The following FAT3 variants were observed in gnomAD, a reference collection of about 807,000 sequenced individuals.
FAT3 encodes the protein protocadherin Fat 3.
A neutral mutation model predicts 310.2 loss-of-function variants in FAT3; 95 were observed. The ratio of observed to expected loss-of-function variants is 0.31; its 90% CI spans 0.26 to 0.36. The LOEUF is 0.36. Among genes scored for constraint, FAT3 ranks in the 10% least tolerant of loss-of-function variants. The probability of loss-of-function intolerance (pLI) is 1.00; values close to 1 mark genes in which losing one functional copy is unlikely to be tolerated. For synonymous variants in FAT3, 2,314 were observed against 2,192.9 expected, an observed-to-expected ratio of 1.06 and a Z score of -1.54; for missense variants, 5,408 against 5,715.6, an observed-to-expected ratio of 0.95 and a Z score of 1.74.
chr11:92,346,761 C>G (rs35846763), intron 1 of FAT3, among the ~76,000 whole-genome samples: 1 of 152,272 alleles, frequency 6.6e-6, no homozygotes, highest in South Asian at 2.1e-4. Flanking sequence ...CACTAGATGG[C>G]AAGTCCTGGA....
chr11:92,447,227 G>A (rs1352708421), intron 2 of FAT3, among the ~76,000 whole-genome samples: 6 of 143,010 alleles, frequency 4.2e-5, no homozygotes, highest in Admixed American at 2.1e-4. Context: ...GTGTGCGTGT[G>A]TGTGTGTGTG....
chr11:92,493,858 G>C (rs539302154), intron 2 of FAT3, among the ~76,000 whole-genome samples: 2 of 152,004 alleles, frequency 1.3e-5, no homozygotes, highest in African/African-American at 4.8e-5. Context: ...AACCACATGG[G>C]AAGTGAAGAC....
At chr11:92,460,717 C>A (rs570049496) in intron 2 of FAT3, among the ~76,000 whole-genome samples, 1 of 152,190 alleles carries the variant, frequency 6.6e-6, no homozygotes, top group Non-Finnish European at 1.5e-5. Flanking sequence ...TCATACCCTG[C>A]AGAAACATAC....
chr11:92,883,398 G>GT lies in FAT3; in HGVS notation c.12937+6dup. Reference sequence around the variant, plus strand: ...GCTGGGACGCGGGAACTGAGAGTGAGTAGGAAGTGGTAATGCTCACCCCTC... The same window carrying GT: ...GCTGGGACGCGGGAACTGAGAGTGAGTTAGGAAGTGGTAATGCTCACCCCTC... On this transcript the variant is annotated splice_donor_region_variant and intron_variant, in intron 24 of 27. Transcript: ENST00000525166. The surrounding 1 kb of genome is among the most constrained non-coding windows in gnomAD (Gnocchi z 4.2). 1 of 1,592,064 alleles carries GT rather than the reference G, an allele frequency of 6.3e-7. No homozygotes were observed. The highest frequency in any genetic ancestry group is 8.6e-7 in the Non-Finnish European group (1 of 1,167,844).
intron 2 of FAT3, among the ~76,000 whole-genome samples, chr11:92,394,954 A>T (rs549788327): frequency 6.6e-6 from 1 of 152,256 alleles, no homozygotes; most frequent in Non-Finnish European, 1.5e-5. Context: ...TAAGGCAGGG[A>T]TGTCTGTTTT....
At chr11:92,667,989 C>A (rs1943009844) in intron 3 of FAT3, among the ~76,000 whole-genome samples, 1 of 152,200 alleles carries the variant, frequency 6.6e-6, no homozygotes, top group African/African-American at 2.4e-5. Context: ...GGAAGGGTAA[C>A]AGGATGTGAG....
In FAT3 at chr11:92,352,145, A is replaced by ACGGCCT. The variant is rs1381671255; in HGVS notation, c.35_40dup (p.Arg12_Pro13dup). 1 of 1,365,884 alleles carries ACGGCCT rather than the reference A, an allele frequency of 7.3e-7. No homozygotes were observed. The allele number at this position is 1,365,884 out of a possible 1,614,324, so 84.6% of individuals were successfully genotyped here. A position where few individuals can be genotyped will look rare whatever the true frequency, so the allele number is the denominator to read the frequency against. The stretch of plus-strand genomic sequence containing the variant: ...TAATTATGGGACACTGTGTGGGCAC[A>ACGGCCT]CGGCCTCCTGCTTGTTGCCTCATCC... On this transcript the variant is annotated inframe_insertion, in exon 2 of 28. Coordinates refer to ENST00000525166, the MANE Select transcript of FAT3 (RefSeq NM_001367949.2).
In FAT3 at chr11:92,489,657, T is replaced by G. The variant is rs909042336; in HGVS notation, c.3293-34977T>G. Among the ~76,000 whole-genome samples, 5 of 152,250 alleles carry G rather than the reference T, an allele frequency of 3.3e-5. 1 individual carries two copies. Among genetic ancestry groups the G allele is most frequent in the Admixed American group, 3.3e-4 (5 of 15,286 alleles). On this transcript the variant is annotated intron_variant, in intron 2 of 27. Coordinates refer to ENST00000525166, the MANE Select transcript of FAT3 (RefSeq NM_001367949.2). ...CTTCTTACTTTAATATCTTTCCAAA[T>G]TTATAACACCTACCAGATGCTAATA...
chr11:92,463,051 G>A (rs1029373684), intron 2 of FAT3, among the ~76,000 whole-genome samples: 1 of 152,234 alleles, frequency 6.6e-6, no homozygotes, highest in Non-Finnish European at 1.5e-5. Flanking sequence ...GGAGCAGCCT[G>A]CTTCTTGATG....
intron 2 of FAT3, among the ~76,000 whole-genome samples, chr11:92,425,761 AT>A (rs1430524714): frequency 6.6e-6 from 1 of 151,970 alleles, no homozygotes; most frequent in Non-Finnish European, 1.5e-5. Context: ...TATGTGCTAC[AT>A]TTTCTTTATT....
intron 2 of FAT3, among the ~76,000 whole-genome samples, chr11:92,438,541 A>C (rs941793686): frequency 6.6e-6 from 1 of 152,194 alleles, no homozygotes; most frequent in African/African-American, 2.4e-5. Context: ...ACCAGTTTCC[A>C]TCTCTAGAAT....
chr11:92,486,130 G>GGTTTTTTTTTTTTTTTTTTTTTTTTT (rs1952381514), intron 2 of FAT3, among the ~76,000 whole-genome samples: 1 of 37,126 alleles, frequency 2.7e-5, no homozygotes, highest in African/African-American at 8.7e-5. Flanking sequence ...GGCTGCTGGG[G>GGTTTTTTTTTTTTTTTTTTTTTTTTT]TTTTTTTTTT....
At chr11:92,878,217 A>G (rs993315345) in intron 22 of FAT3, among the ~76,000 whole-genome samples, 2 of 152,182 alleles carry the variant, frequency 1.3e-5, no homozygotes, top group East Asian at 1.9e-4. Flanking sequence ...AATTTATTCT[A>G]TGTTACAGTC....
At chr11:92,378,786 G>A (rs1239702012) in intron 2 of FAT3, among the ~76,000 whole-genome samples, 1 of 152,170 alleles carries the variant, frequency 6.6e-6, no homozygotes, top group South Asian at 2.1e-4. Context: ...AGTGCAAGGA[G>A]CCGACAGATT....
chr11:92,297,830 G>A (rs565773733), intron 1 of FAT3, among the ~76,000 whole-genome samples: 1 of 152,230 alleles, frequency 6.6e-6, no homozygotes, highest in Admixed American at 6.5e-5. Context: ...GGATAAGTTT[G>A]CCTGTAAATT....
chr11:92,808,577 T>A (rs1947574213), intron 12 of FAT3, among the ~76,000 whole-genome samples: 1 of 152,192 alleles, frequency 6.6e-6, no homozygotes, highest in Non-Finnish European at 1.5e-5. Context: ...CCAACCTGTA[T>A]CTGAGAACTG....
At chr11:92,843,652 G>T (rs531627159) in intron 18 of FAT3, among the ~76,000 whole-genome samples, 50 of 152,318 alleles carry the variant, frequency 3.3e-4, no homozygotes, top group African/African-American at 1.1e-3. Context: ...TTGTGGGCAT[G>T]TTGAGTCTTG....
chr11:92,850,138 A>T (rs1018676899), intron 19 of FAT3, among the ~76,000 whole-genome samples: 1 of 152,198 alleles, frequency 6.6e-6, no homozygotes, highest in Non-Finnish European at 1.5e-5. Context: ...TGCTAATGCT[A>T]ATTTTCTAAG....
chr11:92,796,172 G>T (rs1947167698), intron 9 of FAT3, among the ~76,000 whole-genome samples: 1 of 152,070 alleles, frequency 6.6e-6, no homozygotes, highest in African/African-American at 2.4e-5. Context: ...AAGTTCTGTG[G>T]ATCACCTGTT....
Sources: gnomAD v4.1 joint callset for allele counts (sites outside exome capture counted in the v4.1 genomes callset) on GRCh38, gnomAD v4.1.1 for gene constraint, Gnocchi (gnomAD v3.1) non-coding constraint, MANE v1.5 for transcripts, NCBI Gene and HGNC (gene_info 2026-07-23, HGNC 2026-07-21) for gene names.